The following SPTBN1 variants were observed in gnomAD, a reference collection of about 807,000 sequenced individuals.
The protein encoded by SPTBN1 is spectrin beta, non-erythrocytic 1, also known as spectrin beta chain, non-erythrocytic 1.
SPTBN1 carries 32 observed loss-of-function variants against 266.4 expected under a neutral mutation model. The ratio of observed to expected loss-of-function variants is 0.12; its 90% CI spans 0.09 to 0.16. The LOEUF (loss-of-function observed/expected upper bound fraction) is 0.16, where lower values mean the gene tolerates loss of function less well. SPTBN1 is among the 10% of genes least tolerant of loss of function. The pLI is 1.00. For synonymous variants in SPTBN1, 1,336 were observed against 1,162.2 expected, an observed-to-expected ratio of 1.15 and a Z score of -3.04; for missense variants, 2,296 against 3,067.1, an observed-to-expected ratio of 0.75 and a Z score of 5.94.
Position 54,643,115 on chromosome 2 carries a change from G to A in SPTBN1, c.3991G>A (p.Asp1331Asn). Residue 1331 changes from aspartate to asparagine, a missense_variant, in exon 19 of 36, where the codon GAC becomes AAC. Physicochemically the swap from Asp to Asn is conservative, Grantham distance 23 (BLOSUM62 1). This residue lies in a region of SPTBN1 where 386 missense variants were observed against 486.1 expected (regional missense o/e 0.79). Coordinates refer to ENST00000356805, the MANE Select transcript of SPTBN1 (RefSeq NM_003128.3). ...ACTTGCATCCAACAAAGAATGGCTT[G>A]ACAAAATCGAGAAGGTGAGTTAAAA... ...AELASNKEWL[D>N]KIEKEGMQLI... 1 of 1,614,142 alleles carries A rather than the reference G, an allele frequency of 6.2e-7. No homozygotes were observed. Among genetic ancestry groups the A allele is most frequent in the East Asian group, 2.2e-5 (1 of 44,884 alleles).
chr2:54,662,895 C>T (rs1378553244), intron 32 of SPTBN1: 2 of 152,186 alleles, frequency 1.3e-5, no homozygotes, highest in African/African-American at 2.4e-5. Flanking sequence ...GCACACACAC[C>T]CCCACAAGTC....
intron 1 of SPTBN1, among the ~76,000 whole-genome samples, chr2:54,466,352 A>AGTGTTAGAAAG (rs1693628653): frequency 1.1e-5 from 1 of 89,068 alleles, no homozygotes; most frequent in African/African-American, 7.6e-5. Context: ...AAGTATGTTT[A>AGTGTTAGAAAG]TTCTTCGAGA....
chr2:54,530,352 A>ATTTTT (rs1558810829), intron 2 of SPTBN1, among the ~76,000 whole-genome samples: 2 of 60,742 alleles, frequency 3.3e-5, no homozygotes, highest in South Asian at 1.2e-3. Context: ...ATTGTAAAAA[A>ATTTTT]CTTTTTTTTT....
At position 54,668,419 on chromosome 2, in the gene SPTBN1, C is replaced by T. The variant is rs773784132; in HGVS notation, c.6945C>T (p.Ala2315=). ...CCTCTGATAAACACGAGGTGTCTGCCAGCACCCAGAGCACGCCAGCATCCA... is the reference window on the plus strand; with the variant it reads ...CCTCTGATAAACACGAGGTGTCTGCTAGCACCCAGAGCACGCCAGCATCCA... ...AISSDKHEVS[A]STQSTPASSR... is the part of the protein sequence containing the mutation. The change falls in exon 36 of 36, where the codon GCC becomes GCT. Residue 2315 remains alanine (A), a synonymous_variant. Coordinates refer to ENST00000356805, the MANE Select transcript of SPTBN1 (RefSeq NM_003128.3). 1 of 1,614,226 alleles carries T rather than the reference C, an allele frequency of 6.2e-7. No individual in the cohort carries two copies. The highest frequency in any genetic ancestry group is 2.2e-5 in the East Asian group (1 of 44,890).
chr2:54,511,881 A>G (rs998626733), intron 1 of SPTBN1, among the ~76,000 whole-genome samples: 1 of 152,080 alleles, frequency 6.6e-6, no homozygotes, highest in African/African-American at 2.4e-5. Context: ...AAAAAATAAT[A>G]ATAATAATAA....
chr2:54,485,186 G>A (rs375210305), intron 1 of SPTBN1, among the ~76,000 whole-genome samples: 1 of 99,958 alleles, frequency 1.0e-5, no homozygotes, highest in Non-Finnish European at 2.5e-5. Context: ...CTCCCTCTCC[G>A]TCTCCCTCTC....
rs76198367 is a variant in SPTBN1, at chr2:54,626,092, C to T, written c.1502C>T (p.Ala501Val). 2,403 of 1,614,116 alleles carry T rather than the reference C, an allele frequency of 1.5e-3. 4 individuals carry two copies. The highest frequency in any genetic ancestry group is 1.7e-3 in the Non-Finnish European group (2,057 of 1,180,022). The change falls in exon 12 of 36, where the codon GCG becomes GTG. Residue 501 changes from alanine (A) to valine (V), a missense_variant. Ala to Val is a moderately conservative substitution (Grantham distance 64, BLOSUM62 0). Around this residue, in one of 12 missense-constraint regions of SPTBN1, gnomAD observed 434 missense variants for 573.9 expected, o/e 0.76. Transcript: ENST00000356805. This position sits in a 1 kb window ranked among gnomAD's most constrained non-coding sequence, Gnocchi z 4.7. ...TACCACGACATCAAGCGCATCACAGCGAGGAAGGACAATGTCATCCGGCTC... is the reference window on the plus strand; with the variant it reads ...TACCACGACATCAAGCGCATCACAGTGAGGAAGGACAATGTCATCCGGCTC... Reference protein sequence around the residue: ...ENYHDIKRITARKDNVIRLWE... With the variant: ...ENYHDIKRITVRKDNVIRLWE...
intron 19 of SPTBN1, among the ~76,000 whole-genome samples, chr2:54,644,106 A>T (rs918903148): frequency 9.9e-5 from 15 of 152,212 alleles, no homozygotes; most frequent in Non-Finnish European, 2.1e-4. Context: ...CTATTTCAGC[A>T]TGTAACATTT....
Position 54,659,218 on chromosome 2 carries a change from C to G in SPTBN1, c.6308C>G (p.Pro2103Arg), listed in dbSNP as rs768058728. 1 of 1,614,070 alleles carries G rather than the reference C, an allele frequency of 6.2e-7. No individual in the cohort carries two copies. Among genetic ancestry groups the G allele is most frequent in the Middle Eastern group, 1.6e-4 (1 of 6,062 alleles). Residue 2103 changes from proline (P) to arginine (R), a missense_variant, in exon 31 of 36, where the codon CCC (proline) becomes CGC (arginine). Around this residue, in one of 12 missense-constraint regions of SPTBN1, gnomAD observed 347 missense variants for 368.5 expected, o/e 0.94. Transcript: ENST00000356805. Reference sequence around the variant, plus strand: ...GAGAGGAAGAGGCGGCCGCCTTCTCCCGAGCCGAGCACGAAGGTTTCAGAG... The same window carrying G: ...GAGAGGAAGAGGCGGCCGCCTTCTCGCGAGCCGAGCACGAAGGTTTCAGAG... ...EEERKRRPPS[P>R]EPSTKVSEEA...
rs1353214641 is a variant in SPTBN1, at chr2:54,645,597, A to G, written c.4494+144A>G. 11 of 827,044 alleles carry G rather than the reference A, an allele frequency of 1.3e-5. No individual in the cohort carries two copies. Among genetic ancestry groups the G allele is most frequent in the Non-Finnish European group, 2.1e-5 (11 of 535,090 alleles). 51.2% of individuals were successfully genotyped at this position (827,044 alleles called of 1,614,324 possible). ...AAAGTCCACGCTCTGGATGGTCTAA[A>G]GTTTCTTTCCCTTTTCACCCTAAAT... On this transcript the variant is annotated intron_variant, in intron 21 of 35. Transcript: ENST00000356805. The surrounding 1 kb of genome is among the most constrained non-coding windows in gnomAD (Gnocchi z 4.3).
chr2:54,507,898 C>T lies in SPTBN1; in HGVS notation c.-47-18474C>T, dbSNP rs189040277. Among the ~76,000 whole-genome samples the T allele has an allele frequency of 4.3e-3, 646 of 149,888 alleles. 4 individuals carry two copies. The highest frequency in any genetic ancestry group is 6.9e-3 in the Non-Finnish European group (466 of 67,772). ...TTGTTTGTTAAAGAAGGATTAGAAA[C>T]GGCTAGGAGAGAGTAACTGAGATTG... On this transcript the variant is annotated intron_variant, in intron 1 of 35. Transcript: ENST00000356805.
chr2:54,641,042 A>G (rs1679505717), intron 18 of SPTBN1, among the ~76,000 whole-genome samples: 1 of 152,202 alleles, frequency 6.6e-6, no homozygotes, highest in Admixed American at 6.5e-5. Context: ...GCTTGATTCA[A>G]CGATCAAAGC....
At chr2:54,487,124 A>G (rs1163227039) in intron 1 of SPTBN1, among the ~76,000 whole-genome samples, 1 of 151,436 alleles carries the variant, frequency 6.6e-6, no homozygotes, top group East Asian at 1.9e-4. Flanking sequence ...GTTCATGTAT[A>G]AAATTTGTTT....
At chr2:54,597,853 G>T (rs1470451444) in intron 2 of SPTBN1, among the ~76,000 whole-genome samples, 1 of 131,054 alleles carries the variant, frequency 7.6e-6, no homozygotes, top group Non-Finnish European at 1.6e-5. Flanking sequence ...ATGCCAAATT[G>T]TTGAGCTATC....
In SPTBN1 at chr2:54,628,135, T is replaced by G; in HGVS notation, c.1683T>G (p.Leu561=). ...CTCAAGACTATGGCAAACACTTACT[T>G]GGTGTGGAAGACCTGTTACAGAAGC... is the stretch of plus-strand genomic sequence containing the variant. ...VLSQDYGKHL[L]GVEDLLQKHT... Residue 561 remains leucine (L), a synonymous_variant, in exon 13 of 36, where the codon CTT becomes CTG. Coordinates refer to ENST00000356805, the MANE Select transcript of SPTBN1 (RefSeq NM_003128.3). This position sits in a 1 kb window ranked among gnomAD's most constrained non-coding sequence, Gnocchi z 4.3. The G allele has an allele frequency of 6.2e-7, 1 of 1,613,962 alleles. No individual in the cohort carries two copies. The highest frequency in any genetic ancestry group is 1.7e-5 in the Admixed American group (1 of 60,008).
intron 27 of SPTBN1, among the ~76,000 whole-genome samples, chr2:54,654,165 TCAAGTAGCCAC>T (rs1222152477): frequency 2.6e-5 from 4 of 152,312 alleles, no homozygotes; most frequent in Non-Finnish European, 4.4e-5. Flanking sequence ...ACCTTGGGCT[TCAAGTAGCCAC>T]GTACCTTGGA....
intron 1 of SPTBN1, among the ~76,000 whole-genome samples, chr2:54,518,526 G>C (rs1670246539): frequency 6.6e-6 from 1 of 151,302 alleles, no homozygotes; most frequent in African/African-American, 2.4e-5. Flanking sequence ...TGAGATAGTT[G>C]AAGCAAAATT....
intron 2 of SPTBN1, among the ~76,000 whole-genome samples, chr2:54,580,574 G>C (rs1468301613): frequency 1.3e-5 from 2 of 150,584 alleles, no homozygotes; most frequent in Non-Finnish European, 2.9e-5. Flanking sequence ...TATAATCCAA[G>C]TGTATTCATA....
At chr2:54,546,604 G>C (rs1378876465) in intron 2 of SPTBN1, 3 of 152,200 alleles carry the variant, frequency 2.0e-5, no homozygotes, top group Admixed American at 2.0e-4. Context: ...GGGTTGTCGA[G>C]ATCATGAGTT....
Sources: allele counts gnomAD v4.1 joint callset (sites outside exome capture counted in the v4.1 genomes callset), GRCh38; gene constraint gnomAD v4.1.1; regional missense constraint gnomAD v4.1.1; non-coding constraint Gnocchi (gnomAD v3.1); transcripts MANE v1.5; gene names NCBI Gene and HGNC (gene_info 2026-07-23, HGNC 2026-07-21).